The following ZBP1 variants were observed in gnomAD, a reference collection of about 807,000 sequenced individuals.
ZBP1 encodes the protein Z-DNA-binding protein 1.
Under a neutral mutation model 41.1 loss-of-function variants are expected in ZBP1, and 42 were observed. The ratio of observed to expected loss-of-function variants is 1.02; its 90% CI spans 0.80 to 1.32. ZBP1 has a LOEUF of 1.32. ZBP1 is among the 40% of genes most tolerant of loss of function. The probability of loss-of-function intolerance (pLI) is 0.00; values close to 1 mark genes in which losing one functional copy is unlikely to be tolerated. For missense variants in ZBP1, 562 were observed against 549.7 expected (o/e 1.02, Z -0.22); for synonymous variants, 214 against 205.2 (o/e 1.04, Z -0.37).
Position 57,610,348 on chromosome 20 carries a change from G to C in ZBP1, c.894C>G (p.Gly298=). The C allele has an allele frequency of 6.2e-7, 1 of 1,614,194 alleles. No individual in the cohort carries two copies. Among genetic ancestry groups the C allele is most frequent in the Non-Finnish European group, 8.5e-7 (1 of 1,180,028 alleles). ...TTCTTGCTTCAAACGAAGCTTCTGG[G>C]CCGGCAGCAGTGGCAGAGACTGTGG... ...GSPPVSATAA[G]PEASFEARIP... is the part of the protein sequence containing the mutation. The change falls in exon 7 of 8, where the codon GGC becomes GGG. Residue 298 remains glycine, a synonymous_variant. Coordinates refer to ENST00000371173, the MANE Select transcript of ZBP1 (RefSeq NM_030776.3). This position sits in a 1 kb window ranked among gnomAD's most constrained non-coding sequence, Gnocchi z 5.5.
At chr20:57,605,516 G>A (rs1241039256) in intron 7 of ZBP1, among the ~76,000 whole-genome samples, 2 of 152,152 alleles carry the variant, frequency 1.3e-5, no homozygotes, top group East Asian at 3.8e-4. Context: ...AGAAGATGAC[G>A]AAGTTAATTA....
intron 3 of ZBP1, 143 bp from the exon 4 acceptor site, chr20:57,615,203 C>T: frequency 2.2e-6 from 2 of 911,040 alleles, no homozygotes; most frequent in Non-Finnish European, 3.4e-6. Context: ...ATAACGGGGT[C>T]ATCATGACGC....
chr20:57,604,662 G>A lies in ZBP1; in HGVS notation c.1201C>T (p.Leu401Phe), dbSNP rs539737746. The A allele has an allele frequency of 1.2e-6, 2 of 1,614,194 alleles. 1 individual carries two copies. The highest frequency in any genetic ancestry group is 2.2e-5 in the South Asian group (2 of 91,078). Residue 401 changes from leucine (L) to phenylalanine (F), a missense_variant, in exon 8 of 8, where the codon CTT (leucine) becomes TTT (phenylalanine). Coordinates refer to ENST00000371173, the MANE Select transcript of ZBP1 (RefSeq NM_030776.3). ...KLTPKLETMT[L>F]GNRSHKAAEG... ...GCAGCTTTGTGACTCCTGTTTCCAAGAGTCATAGTTTCCAGCTTGGGGGTG... is the reference window on the plus strand; with the variant it reads ...GCAGCTTTGTGACTCCTGTTTCCAAAAGTCATAGTTTCCAGCTTGGGGGTG...
At chr20:57,612,592 G>A (rs1432484219) in intron 5 of ZBP1, among the ~76,000 whole-genome samples, 1 of 152,174 alleles carries the variant, frequency 6.6e-6, no homozygotes, top group South Asian at 2.1e-4. Flanking sequence ...AGGTGACAAG[G>A]CTGGGCTGAC....
At position 57,615,536 on chromosome 20, in the gene ZBP1, CA is replaced by C. The variant is rs766764523; in HGVS notation, c.303del (p.Gly102AlafsTer33). 4.3e-5 allele frequency: 70 copies of C among 1,613,324 alleles called. 1 individual carries two copies. The South Asian group carries it at 7.4e-4, about 17-fold the overall frequency. ...QQHAATIPET[P>X]GPQFSQQREE... ...CCCCGTTGTTGGCTGAACTGAGGGC[CA>C]GGGGTCTCTGGAATTGTAGCTGCAT... On this transcript the variant is annotated frameshift_variant, in exon 3 of 8. Coordinates refer to ENST00000371173, the MANE Select transcript of ZBP1 (RefSeq NM_030776.3). LOFTEE classifies it high-confidence loss of function.
At chr20:57,604,857 C>T in intron 7 of ZBP1, 88 bp from the exon 8 acceptor site, 1 of 1,265,154 alleles carries the variant, frequency 7.9e-7, no homozygotes, top group South Asian at 1.4e-5. Flanking sequence ...ATTTCGAGCT[C>T]AGCTTGAGCC....
rs1005415636 is a variant in ZBP1 at position 57,606,902 on chromosome 20, CA to C, written c.1094-2134del. The C allele has an allele frequency of 1.4e-3, 1,409 of 975,392 alleles. 6 individuals carry two copies. Among genetic ancestry groups the C allele is most frequent in the African/African-American group, 0.012 (689 of 57,960 alleles). 60.4% of individuals were successfully genotyped at this position (975,392 alleles called of 1,614,324 possible). On this transcript the variant is annotated intron_variant, in intron 7 of 7. Coordinates refer to ENST00000371173, the MANE Select transcript of ZBP1 (RefSeq NM_030776.3). ...GTGTTCCGCATCCTGGATTGAGGGC[CA>C]AAAAAAAATTTTTTTTTTACTACTC...
rs187198219 is a variant in ZBP1 at position 57,608,222 on chromosome 20, C to T, written c.1093+1927G>A. ...CTGCAAGCTCCGCCTCCCAGGTTTA[C>T]GCCATTCTCCTGCCTCAGCCTCCTG... On this transcript the variant is annotated intron_variant, in intron 7 of 7. Coordinates refer to ENST00000371173, the MANE Select transcript of ZBP1 (RefSeq NM_030776.3). Among the ~76,000 whole-genome samples the T allele has an allele frequency of 1.2e-4, 19 of 152,020 alleles. No individual in the cohort carries two copies. The East Asian group carries it at 2.3e-3, about 19-fold the overall frequency.
chr20:57,615,639 C>T lies in ZBP1; in HGVS notation c.260-59G>A, dbSNP rs2070802976. ...GACAGAAGACAGCACCAGGCCTCCA[C>T]CCCACAAAGGTGGGCAGCTCCCTAG... On this transcript the variant is annotated intron_variant, in intron 2 of 7. Coordinates refer to ENST00000371173, the MANE Select transcript of ZBP1 (RefSeq NM_030776.3). The T allele has an allele frequency of 8.6e-6, 13 of 1,518,476 alleles. No homozygotes were observed. The South Asian group carries it at 1.2e-4, about 14-fold the overall frequency. 94.1% of individuals were successfully genotyped at this position (1,518,476 alleles called of 1,614,324 possible). A position where few individuals can be genotyped will look rare whatever the true frequency, so the allele number is the denominator to read the frequency against.
Position 57,610,297 on chromosome 20 carries a change from C to T in ZBP1, c.945G>A (p.Glu315=). The change falls in exon 7 of 8, where the codon GAG becomes GAA. Residue 315 remains glutamate, a synonymous_variant. Coordinates refer to ENST00000371173, the MANE Select transcript of ZBP1 (RefSeq NM_030776.3). The surrounding 1 kb of genome is among the most constrained non-coding windows in gnomAD (Gnocchi z 5.5). The part of the protein sequence containing the change: ...ARIPSPGTHP[E]GEAAQRIHMK... ...TGTGGATTCTCTGGGCGGCTTCCCC[C>T]TCAGGGTGAGTTCCTGGACTGGGAA... 1 of 1,614,188 alleles carries T rather than the reference C, an allele frequency of 6.2e-7. No homozygotes were observed. The highest frequency in any genetic ancestry group is 8.5e-7 in the Non-Finnish European group (1 of 1,180,016).
chr20:57,613,459 G>T lies in ZBP1; in HGVS notation c.503-129C>A. 7 of 994,850 alleles carry T rather than the reference G, an allele frequency of 7.0e-6. No homozygotes were observed. Among genetic ancestry groups the T allele is most frequent in the Non-Finnish European group, 9.0e-6 (6 of 662,990 alleles). 61.6% of individuals were successfully genotyped at this position (994,850 alleles called of 1,614,324 possible). ...ACCCTGGGCGTTCCGAGTCAGTAGG[G>T]CCAAGTGGGAGGCCAGAGCTGGGTG... is the stretch of plus-strand genomic sequence containing the variant. On this transcript the variant is annotated intron_variant, in intron 4 of 7. Transcript: ENST00000371173. The surrounding 1 kb of genome is among the most constrained non-coding windows in gnomAD (Gnocchi z 4.5).
At chr20:57,607,289 T>A in intron 7 of ZBP1, 1 of 1,298,474 alleles carries the variant, frequency 7.7e-7, no homozygotes, top group Non-Finnish European at 1.0e-6. Context: ...AAGACTTCAG[T>A]GAAGGCAGCA....
At chr20:57,611,034 G>A (rs374857339) in intron 6 of ZBP1, among the ~76,000 whole-genome samples, 3 of 152,138 alleles carry the variant, frequency 2.0e-5, no homozygotes, top group East Asian at 3.9e-4. Context: ...CCAGTGTGGG[G>A]GAGGCCTCTG....
chr20:57,613,015 T>G lies in ZBP1; in HGVS notation c.670+148A>C. 6 of 1,493,638 alleles carry G rather than the reference T, an allele frequency of 4.0e-6. No homozygotes were observed. The highest frequency in any genetic ancestry group is 5.3e-6 in the Non-Finnish European group (6 of 1,122,696). The allele number at this position is 1,493,638 out of a possible 1,614,324, so 92.5% of individuals were successfully genotyped here. On this transcript the variant is annotated intron_variant, in intron 5 of 7. Coordinates refer to ENST00000371173, the MANE Select transcript of ZBP1 (RefSeq NM_030776.3). The surrounding 1 kb of genome is among the most constrained non-coding windows in gnomAD (Gnocchi z 4.5). The stretch of plus-strand genomic sequence containing the variant: ...GGTGTCCTCATTCTCAGGACGGCCG[T>G]AAAGGTGGACTGTGGGGGTCTGGAA...
Position 57,613,554 on chromosome 20 carries a change from G to C in ZBP1, c.503-224C>G, listed in dbSNP as rs971993704. ...ATAGCCACTGTGAGTCACCCTACCTGTGTCTTTTGCTGCCTCCATGGCTGG... is the reference window on the plus strand; with the variant it reads ...ATAGCCACTGTGAGTCACCCTACCTCTGTCTTTTGCTGCCTCCATGGCTGG... On this transcript the variant is annotated intron_variant, in intron 4 of 7. Coordinates refer to ENST00000371173, the MANE Select transcript of ZBP1 (RefSeq NM_030776.3). This position sits in a 1 kb window ranked among gnomAD's most constrained non-coding sequence, Gnocchi z 4.5. Among the ~76,000 whole-genome samples, 1 of 152,308 alleles carries C rather than the reference G, an allele frequency of 6.6e-6. No individual in the cohort carries two copies. Among genetic ancestry groups the C allele is most frequent in the Middle Eastern group, 3.4e-3 (1 of 294 alleles).
chr20:57,604,938 GC>G lies in ZBP1; in HGVS notation c.1094-170del, dbSNP rs201746175. 3.8e-3 allele frequency among the ~76,000 whole-genome samples: 584 copies of G among 152,088 alleles called. 1 individual carries two copies. The highest frequency in any genetic ancestry group is 0.013 in the African/African-American group (554 of 41,460). On this transcript the variant is annotated intron_variant, in intron 7 of 7. Transcript: ENST00000371173. ...GCCCCACCTTTTCACTTTGCACTGGGCCCCCAGATCATGTAGCCAGTCCTGT... is the reference window on the plus strand; with the variant it reads ...GCCCCACCTTTTCACTTTGCACTGGGCCCCAGATCATGTAGCCAGTCCTGT...
At chr20:57,609,340 C>T (rs773781490) in intron 7 of ZBP1, among the ~76,000 whole-genome samples, 2 of 152,158 alleles carry the variant, frequency 1.3e-5, no homozygotes, top group Non-Finnish European at 2.9e-5. Context: ...GGACGGTGAA[C>T]CGCACTGGTT....
chr20:57,604,245 T>C lies in ZBP1; in HGVS notation c.*328A>G. 2.3e-6 allele frequency: 1 copy of C among 440,518 alleles called. No individual in the cohort carries two copies. Among genetic ancestry groups the C allele is most frequent in the Non-Finnish European group, 4.3e-6 (1 of 232,980 alleles). 27.3% of individuals were successfully genotyped at this position (440,518 alleles called of 1,614,324 possible). On this transcript the variant is annotated 3_prime_UTR_variant, in exon 8 of 8. Transcript: ENST00000371173. ...CACAGCAGGTAGCCATGATGGAAGG[T>C]AACTCCAGGCAGATGCCCCGAGCCC...
At position 57,613,948 on chromosome 20, in the gene ZBP1, G is replaced by T. The variant is rs2070746813; in HGVS notation, c.503-618C>A. On this transcript the variant is annotated intron_variant, in intron 4 of 7. Transcript: ENST00000371173. The surrounding 1 kb of genome is among the most constrained non-coding windows in gnomAD (Gnocchi z 4.5). ...ACCACCCTCCAGGGTCTCAGCTCCTGTGCCTTTGTGGGCCCTTCCCCCATA... is the reference window on the plus strand; with the variant it reads ...ACCACCCTCCAGGGTCTCAGCTCCTTTGCCTTTGTGGGCCCTTCCCCCATA... 1.3e-5 allele frequency among the ~76,000 whole-genome samples: 2 copies of T among 152,244 alleles called. No individual in the cohort carries two copies. Among genetic ancestry groups the T allele is most frequent in the African/African-American group, 4.8e-5 (2 of 41,466 alleles).
Sources: allele counts gnomAD v4.1 joint callset (sites outside exome capture counted in the v4.1 genomes callset), GRCh38; gene constraint gnomAD v4.1.1; non-coding constraint Gnocchi (gnomAD v3.1); transcripts MANE v1.5; gene names NCBI Gene and HGNC (gene_info 2026-07-23, HGNC 2026-07-21).